Variants in SIGLEC1 observed in about 807,000 individuals in gnomAD.
The protein encoded by SIGLEC1 is sialoadhesin.
In SIGLEC1, 132 loss-of-function variants were observed where a neutral mutation model predicts 148.0. That is an observed-to-expected ratio of 0.89 (90% CI 0.77 to 1.03). The LOEUF (loss-of-function observed/expected upper bound fraction) is 1.03, where lower values mean the gene tolerates loss of function less well. SIGLEC1 is among the 50% of genes least tolerant of loss of function. The probability of loss-of-function intolerance (pLI) is 0.00; values close to 1 mark genes in which losing one functional copy is unlikely to be tolerated. For missense variants in SIGLEC1, 2,253 were observed against 2,271.4 expected (o/e 0.99, Z 0.16); for synonymous variants, 945 against 969.0 (o/e 0.98, Z 0.46).
intron 13 of SIGLEC1, 136 bp from the exon 14 acceptor site, chr20:3,693,834 A>G (rs908231892): frequency 9.1e-5 from 82 of 904,958 alleles, no homozygotes; most frequent in Non-Finnish European, 1.3e-4. Context: ...TGGCCCACCT[A>G]TAAATGTGGC....
chr20:3,691,595 G>T lies in SIGLEC1; in HGVS notation c.4336C>A (p.Arg1446Ser). 1 of 1,611,646 alleles carries T rather than the reference G, an allele frequency of 6.2e-7. No individual in the cohort carries two copies. Among genetic ancestry groups the T allele is most frequent in the Non-Finnish European group, 8.5e-7 (1 of 1,179,312 alleles). The change falls in exon 18 of 22, where the codon CGC becomes AGC. Residue 1446 changes from arginine to serine, a missense_variant. By Grantham distance (110) the Arg-to-Ser change is moderately radical. Transcript: ENST00000344754. ...TCCAGGCCAGGCTCTGCCACCACGC[G>T]TGCACCTGCGGGCGGAGGATAGAGA... ...TIGRLQVEGA[R>S]VVAEPGLDVP...
rs368422354 is a variant in SIGLEC1, at chr20:3,694,247, G to A, written c.3230C>T (p.Ser1077Leu). ...CEASNTLGQASASADFDAQAV... is the reference protein window; with the variant it reads ...CEASNTLGQALASADFDAQAV... ...TTGAGCGTCGAAGTCAGCTGAGGCCGAGGCCTGGCCCAGGGTGTTGGAGGC... is the reference window on the plus strand; with the variant it reads ...TTGAGCGTCGAAGTCAGCTGAGGCCAAGGCCTGGCCCAGGGTGTTGGAGGC... The change falls in exon 13 of 22, where the codon TCG becomes TTG. Residue 1077 changes from serine to leucine, a missense_variant. Transcript: ENST00000344754. 2.7e-5 allele frequency: 43 copies of A among 1,611,394 alleles called. 1 individual carries two copies. Among genetic ancestry groups the A allele is most frequent in the Admixed American group, 1.8e-4 (11 of 59,918 alleles).
At chr20:3,707,043 G>T (rs1421374623) in intron 2 of SIGLEC1, 37 bp downstream of exon 2, 2 of 1,602,446 alleles carry the variant, frequency 1.2e-6, no homozygotes, top group African/African-American at 1.3e-5. Context: ...ATGAAGGCTG[G>T]ACCCTGGAAG....
rs1380001023 is a variant in SIGLEC1 at position 3,693,499 on chromosome 20, G to T, written c.3456C>A (p.Gly1152=). 3.1e-6 allele frequency: 5 copies of T among 1,608,608 alleles called. No homozygotes were observed. The highest frequency in any genetic ancestry group is 2.2e-5 in the East Asian group (1 of 44,798). ...RDATSYRCGV[G]PPGRAPRLSR... is the part of the protein sequence containing the mutation. ...AGAGGCGGGGTGCCCGACCAGGGGG[G>T]CCCACACCGCAGCGGTAGGAGGTGG... is the stretch of plus-strand genomic sequence containing the variant. Residue 1152 remains glycine (G), a synonymous_variant, in exon 14 of 22, where the codon GGC becomes GGA. Transcript: ENST00000344754.
chr20:3,709,574 G>T (rs2146534076), intron 1 of SIGLEC1, among the ~76,000 whole-genome samples: 1 of 152,278 alleles, frequency 6.6e-6, no homozygotes, highest in South Asian at 2.1e-4. Context: ...CCACTCCTAG[G>T]TATATACCCA....
chr20:3,691,646 G>A (rs2088764654), intron 17 of SIGLEC1, 46 bp from the exon 18 acceptor site: 1 of 1,591,830 alleles, frequency 6.3e-7, no homozygotes, highest in Non-Finnish European at 8.6e-7. Flanking sequence ...GTAGGCCTTG[G>A]GGGCTGGAGC....
Position 3,689,245 on chromosome 20 carries a change from G to A in SIGLEC1, c.4998-18C>T. ...GCCTCCTTCTGCAAGGCCCGGAGTG[G>A]ACTCAGAGAGCCTCTCCCCTCCCCA... On this transcript the variant is annotated intron_variant, in intron 20 of 21. Coordinates refer to ENST00000344754, the MANE Select transcript of SIGLEC1 (RefSeq NM_023068.4). The A allele has an allele frequency of 6.2e-7, 1 of 1,610,268 alleles. No individual in the cohort carries two copies. Among genetic ancestry groups the A allele is most frequent in the Non-Finnish European group, 8.5e-7 (1 of 1,176,604 alleles).
rs1047556106 is a variant in SIGLEC1 at position 3,707,228 on chromosome 20, C to T, written c.-100G>A. On this transcript the variant is annotated 5_prime_UTR_variant, in exon 2 of 22. Transcript: ENST00000344754. ...AGGGACACCTCTGGGCACTTTAGCC[C>T]CAGCACCTGCTAGAAGTCCGAGCCT... The T allele has an allele frequency of 3.0e-5, 31 of 1,028,322 alleles. No homozygotes were observed. Among genetic ancestry groups the T allele is most frequent in the Non-Finnish European group, 4.3e-5 (29 of 669,342 alleles). 63.7% of individuals were successfully genotyped at this position (1,028,322 alleles called of 1,614,324 possible). A position where few individuals can be genotyped will look rare whatever the true frequency, so the allele number is the denominator to read the frequency against.
chr20:3,698,222 G>C (rs545901397), intron 8 of SIGLEC1, 89 bp from the exon 9 acceptor site: 326 of 1,189,790 alleles, frequency 2.7e-4, no homozygotes, highest in Middle Eastern at 2.0e-3. Context: ...ACTGGACAAA[G>C]GCAGATCCCG....
chr20:3,690,248 G>A lies in SIGLEC1; in HGVS notation c.4608C>T (p.Pro1536=). The A allele has an allele frequency of 6.5e-7, 1 of 1,547,276 alleles. No individual in the cohort carries two copies. Residue 1536 remains proline (P), a synonymous_variant, in exon 19 of 22, where the codon CCC becomes CCT. Transcript: ENST00000344754. ...CAGGCTCCACGAAGACCATCATGGTGGGCGTCTTGGGAGGGTCTGTGGGGA... is the reference window on the plus strand; with the variant it reads ...CAGGCTCCACGAAGACCATCATGGTAGGCGTCTTGGGAGGGTCTGTGGGGA... ...MLRVLYPPKT[P]TMMVFVEPEG... is the part of the protein sequence containing the mutation.
At chr20:3,703,483 T>A in intron 5 of SIGLEC1, 32 bp from the exon 6 acceptor site, 2 of 1,539,152 alleles carry the variant, frequency 1.3e-6, no homozygotes, top group African/African-American at 1.4e-5. Flanking sequence ...TGCTGGGGGG[T>A]CCCAGCCAAC....
chr20:3,694,484 CCAGGGCCTGTGTCCAT>C lies in SIGLEC1; in HGVS notation c.2977_2992del (p.Met993AspfsTer90). On this transcript the variant is annotated frameshift_variant, in exon 13 of 22. Coordinates refer to ENST00000344754, the MANE Select transcript of SIGLEC1 (RefSeq NM_023068.4). LOFTEE classifies it high-confidence loss of function. ...ACGGCACAGGAGGAGGCCCAGTCGTCCAGGGCCTGTGTCCATCAGGGTAGTGAGTGTGACGTGGCGT... is the reference window on the plus strand; with the variant it reads ...ACGGCACAGGAGGAGGCCCAGTCGTCCAGGGTAGTGAGTGTGACGTGGCGT... 6.3e-7 allele frequency: 1 copy of C among 1,592,072 alleles called. No homozygotes were observed.
rs748802559 is a variant in SIGLEC1, at chr20:3,699,238, T to C, written c.1750A>G (p.Ser584Gly). 6 of 1,610,590 alleles carry C rather than the reference T, an allele frequency of 3.7e-6. No individual in the cohort carries two copies. The highest frequency in any genetic ancestry group is 4.2e-6 in the Non-Finnish European group (5 of 1,179,154). ...AGAACAGCTGGCGAAGAGGGGCCAC[T>C]GGCACTGTGGCCGTCCCGGGCCCGG... is the stretch of plus-strand genomic sequence containing the variant. ...HCRARDGHSA[S>G]GPSSPAVLTV... is the part of the protein sequence containing the mutation. The change falls in exon 8 of 22, where the codon AGT becomes GGT. Residue 584 changes from serine (S) to glycine (G), a missense_variant. Ser to Gly is a moderately conservative substitution (Grantham distance 56, BLOSUM62 0). Transcript: ENST00000344754.
Position 3,700,931 on chromosome 20 carries a change from C to CCT in SIGLEC1, c.1528+409_1528+410dup, listed in dbSNP as rs1158676695. Among the ~76,000 whole-genome samples, 40 of 151,954 alleles carry CCT rather than the reference C, an allele frequency of 2.6e-4. No individual in the cohort carries two copies. The East Asian group carries it at 7.8e-3, about 30-fold the overall frequency. On this transcript the variant is annotated intron_variant, in intron 7 of 21. Transcript: ENST00000344754. Reference sequence around the variant, plus strand: ...GGCCAGGATGGTCTCGATCTCTTGACCTCGTGATCCACCCACCTCGGCCTC... The same window carrying CCT: ...GGCCAGGATGGTCTCGATCTCTTGACCTCTCGTGATCCACCCACCTCGGCCTC...
In SIGLEC1 at chr20:3,712,596, G is replaced by T. The variant is rs1039793092; in HGVS notation, c.-236C>A. On this transcript the variant is annotated 5_prime_UTR_variant, in exon 1 of 22. Coordinates refer to ENST00000344754, the MANE Select transcript of SIGLEC1 (RefSeq NM_023068.4). ...TGCCGGCTCAAGAGAGAAGGATCCC[G>T]TATCAGGGGCTGCTTCCTCTTTCCC... Among the ~76,000 whole-genome samples, 1 of 152,178 alleles carries T rather than the reference G, an allele frequency of 6.6e-6. No individual in the cohort carries two copies. Among genetic ancestry groups the T allele is most frequent in the African/African-American group, 2.4e-5 (1 of 41,430 alleles).
At position 3,689,240 on chromosome 20, in the gene SIGLEC1, G is replaced by C. The variant is rs1206433522; in HGVS notation, c.4998-13C>G. On this transcript the variant is annotated splice_polypyrimidine_tract_variant and intron_variant, in intron 20 of 21. Coordinates refer to ENST00000344754, the MANE Select transcript of SIGLEC1 (RefSeq NM_023068.4). ...AACACGCCTCCTTCTGCAAGGCCCG[G>C]AGTGGACTCAGAGAGCCTCTCCCCT... 1 of 1,612,826 alleles carries C rather than the reference G, an allele frequency of 6.2e-7. No individual in the cohort carries two copies. Among genetic ancestry groups the C allele is most frequent in the South Asian group, 1.1e-5 (1 of 91,068 alleles).
Position 3,688,128 on chromosome 20 carries a change from C to T in SIGLEC1, c.*432G>A. 1 of 205,216 alleles carries T rather than the reference C, an allele frequency of 4.9e-6. No homozygotes were observed. The highest frequency in any genetic ancestry group is 1.0e-5 in the Non-Finnish European group (1 of 100,440). 12.7% of individuals were successfully genotyped at this position (205,216 alleles called of 1,614,324 possible). A position where few individuals can be genotyped will look rare whatever the true frequency, so the allele number is the denominator to read the frequency against. On this transcript the variant is annotated 3_prime_UTR_variant, in exon 22 of 22. Coordinates refer to ENST00000344754, the MANE Select transcript of SIGLEC1 (RefSeq NM_023068.4). ...ATAAAATTCTATCATGTTGAAGTCA[C>T]TGTATTTGGTCTCTTGTTAGAGCAG... is the stretch of plus-strand genomic sequence containing the variant.
At chr20:3,705,663 T>G in intron 4 of SIGLEC1, 81 bp downstream of exon 4, 1 of 1,466,924 alleles carries the variant, frequency 6.8e-7, no homozygotes. Flanking sequence ...GGGTTCCGTT[T>G]CTGTGGGCTG....
In SIGLEC1 at chr20:3,688,214, T is replaced by TCA. The variant is rs2088717914; in HGVS notation, c.*345_*346insTG. 5.6e-6 allele frequency: 2 copies of TCA among 359,238 alleles called. No homozygotes were observed. Among genetic ancestry groups the TCA allele is most frequent in the Admixed American group, 8.6e-5 (2 of 23,348 alleles). 22.3% of individuals were successfully genotyped at this position (359,238 alleles called of 1,614,324 possible). On this transcript the variant is annotated 3_prime_UTR_variant, in exon 22 of 22. Transcript: ENST00000344754. ...GTGAGCCTCTGAGGATGCAGGATGC[T>TCA]GCAATCCAACCAAAGTCCAGGGTGA...
Sources: gnomAD v4.1 joint callset for allele counts (sites outside exome capture counted in the v4.1 genomes callset) on GRCh38, gnomAD v4.1.1 for gene constraint, MANE v1.5 for transcripts, NCBI Gene and HGNC (gene_info 2026-07-23, HGNC 2026-07-21) for gene names.